The following PPFIA1 variants were observed in gnomAD, a reference collection of about 807,000 sequenced individuals.
PPFIA1 encodes the protein PPFI scaffold protein A1.
In PPFIA1, 25 loss-of-function variants were observed where a neutral mutation model predicts 149.9. The observed-to-expected ratio is 0.17, with a 90% CI of 0.12 to 0.23. The LOEUF is 0.23. PPFIA1 is among the 10% of genes least tolerant of loss of function. PPFIA1 has a pLI of 1.00. For missense variants in PPFIA1, 1,362 were observed against 1,506.5 expected (o/e 0.90, Z 1.59); for synonymous variants, 549 against 552.8 (o/e 0.99, Z 0.10).
intron 12 of PPFIA1, 110 bp from the exon 13 acceptor site, chr11:70,338,264 C>T (rs2055101745): frequency 1.2e-6 from 1 of 835,098 alleles, no homozygotes. Context: ...GTATTTGTAA[C>T]TGCTGATTTA....
chr11:70,306,608 C>T (rs1009718817), intron 2 of PPFIA1, among the ~76,000 whole-genome samples: 5 of 152,062 alleles, frequency 3.3e-5, no homozygotes, highest in Non-Finnish European at 7.4e-5. Flanking sequence ...GCATAAGGCC[C>T]GATGTGTGTA....
At chr11:70,379,611 T>TAC (rs529973787) in intron 26 of PPFIA1, among the ~76,000 whole-genome samples, 8 of 103,416 alleles carry the variant, frequency 7.7e-5, no homozygotes, top group African/African-American at 3.6e-4. Context: ...ACCCCATCTC[T>TAC]AAAAAAAAAA....
intron 8 of PPFIA1, among the ~76,000 whole-genome samples, chr11:70,330,808 G>T (rs1442931398): frequency 2.0e-5 from 3 of 152,104 alleles, no homozygotes; most frequent in African/African-American, 7.2e-5. Context: ...ATGGTGGCAT[G>T]TGCCTTTAGC....
intron 16 of PPFIA1, 155 bp from the exon 17 acceptor site, chr11:70,354,146 G>A (rs528047579): frequency 3.0e-5 from 22 of 725,010 alleles, no homozygotes; most frequent in African/African-American, 2.1e-4. Flanking sequence ...GCTGTGCTGC[G>A]TGGCCCTTCA....
At position 70,376,893 on chromosome 11, in the gene PPFIA1, G is replaced by A. The variant is rs1471403272; in HGVS notation, c.3384+293G>A. 3.3e-5 allele frequency among the ~76,000 whole-genome samples: 5 copies of A among 152,250 alleles called. No individual in the cohort carries two copies. In the South Asian group the frequency reaches 1.0e-3, roughly 32 times the overall value. On this transcript the variant is annotated intron_variant, in intron 25 of 27. Transcript: ENST00000253925. ...TTAAGACCAGCCCGGCCAACATGGT[G>A]AAACCCCATCTCTACTAAAAAACAC...
At chr11:70,323,431 T>C (rs943755867) in intron 2 of PPFIA1, among the ~76,000 whole-genome samples, 1 of 152,074 alleles carries the variant, frequency 6.6e-6, no homozygotes, top group Admixed American at 6.5e-5. Flanking sequence ...GAATGGAGGC[T>C]GGACAGAGGT....
At position 70,323,955 on chromosome 11, in the gene PPFIA1, C is replaced by T; in HGVS notation, c.265-447C>T. On this transcript the variant is annotated intron_variant, in intron 2 of 27. Coordinates refer to ENST00000253925, the MANE Select transcript of PPFIA1 (RefSeq NM_003626.5). ...TCTAGCCTGGGTGACACAATGAGAC[C>T]CTGTCTCAGAAAGAAAAAGGAAGAA... Among the ~76,000 whole-genome samples the T allele has an allele frequency of 1.3e-5, 2 of 152,094 alleles. 1 individual carries two copies. Among genetic ancestry groups the T allele is most frequent in the Non-Finnish European group, 2.9e-5 (2 of 68,032 alleles).
chr11:70,309,805 A>G (rs1409634665), intron 2 of PPFIA1, among the ~76,000 whole-genome samples: 1 of 152,182 alleles, frequency 6.6e-6, no homozygotes, highest in Non-Finnish European at 1.5e-5. Context: ...AGGCAGATAC[A>G]CAGAGACAGA....
At chr11:70,343,163 G>T (rs2055461301) in intron 14 of PPFIA1, among the ~76,000 whole-genome samples, 1 of 152,016 alleles carries the variant, frequency 6.6e-6, no homozygotes, top group Admixed American at 6.5e-5. Context: ...GGCCAGGTTG[G>T]TCTCGAACTC....
At chr11:70,369,168 TA>T (rs1261083836) in intron 21 of PPFIA1, among the ~76,000 whole-genome samples, 1 of 152,194 alleles carries the variant, frequency 6.6e-6, no homozygotes, top group Non-Finnish European at 1.5e-5. Context: ...GCACTTTTCT[TA>T]CATTTCCGGA....
intron 2 of PPFIA1, among the ~76,000 whole-genome samples, chr11:70,293,434 A>G (rs886878446): frequency 1.6e-4 from 24 of 152,214 alleles, no homozygotes; most frequent in Admixed American, 3.9e-4. Context: ...TTTCGTTGGT[A>G]TTTTGATGAT....
intron 2 of PPFIA1, among the ~76,000 whole-genome samples, chr11:70,318,706 G>A (rs560924011): frequency 6.6e-6 from 1 of 152,352 alleles, no homozygotes; most frequent in African/African-American, 2.4e-5. Context: ...TGCTGCAGAT[G>A]TCACAGTCAC....
At chr11:70,356,137 C>T in intron 18 of PPFIA1, 24 bp from the exon 19 acceptor site, 2 of 1,572,424 alleles carry the variant, frequency 1.3e-6, no homozygotes, top group Non-Finnish European at 8.8e-7. Context: ...ATTTTTACTT[C>T]TGGGCTGTTC....
rs980180822 is a variant in PPFIA1 at position 70,362,079 on chromosome 11, A to G, written c.2583-16A>G. 1 of 1,612,274 alleles carries G rather than the reference A, an allele frequency of 6.2e-7. No individual in the cohort carries two copies. The highest frequency in any genetic ancestry group is 8.5e-7 in the Non-Finnish European group (1 of 1,178,580). On this transcript the variant is annotated splice_polypyrimidine_tract_variant and intron_variant, in intron 19 of 27. Coordinates refer to ENST00000253925, the MANE Select transcript of PPFIA1 (RefSeq NM_003626.5). The stretch of plus-strand genomic sequence containing the variant: ...CCTGGCTGATTCTTTAATTTTCAAT[A>G]TCTTCTCCTTTATAGGCATGAATTG...
At chr11:70,298,718 C>A (rs1215219480) in intron 2 of PPFIA1, among the ~76,000 whole-genome samples, 1 of 152,166 alleles carries the variant, frequency 6.6e-6, no homozygotes, top group South Asian at 2.1e-4. Flanking sequence ...TGCCTCCCCA[C>A]CTTAGAGTGC....
intron 16 of PPFIA1, among the ~76,000 whole-genome samples, chr11:70,351,817 A>G (rs1565434445): frequency 6.6e-6 from 1 of 152,186 alleles, no homozygotes; most frequent in Admixed American, 6.5e-5. Flanking sequence ...ACAGTTGACC[A>G]CTTCACCATC....
intron 2 of PPFIA1, among the ~76,000 whole-genome samples, chr11:70,294,693 C>G (rs945746499): frequency 6.6e-5 from 10 of 151,760 alleles, no homozygotes; most frequent in African/African-American, 2.4e-4. Context: ...AGGCAGAGGT[C>G]CCTGTGGCCT....
chr11:70,298,303 C>T (rs984780633), intron 2 of PPFIA1, among the ~76,000 whole-genome samples: 2 of 152,074 alleles, frequency 1.3e-5, no homozygotes, highest in Non-Finnish European at 2.9e-5. Flanking sequence ...ATGCAGGAGG[C>T]AGTAGTGGGT....
chr11:70,289,402 C>T (rs2051374386), intron 2 of PPFIA1, among the ~76,000 whole-genome samples: 1 of 152,128 alleles, frequency 6.6e-6, no homozygotes, highest in Non-Finnish European at 1.5e-5. Flanking sequence ...ACAGCTTAAA[C>T]TGATGATTTT....
Sources: gnomAD v4.1 joint callset for allele counts (sites outside exome capture counted in the v4.1 genomes callset) on GRCh38, gnomAD v4.1.1 for gene constraint, MANE v1.5 for transcripts, NCBI Gene and HGNC (gene_info 2026-07-23, HGNC 2026-07-21) for gene names.